PDE10A: variants seen among roughly 807,000 people sequenced by gnomAD.
PDE10A encodes phosphodiesterase 10A.
A neutral mutation model predicts 97.7 loss-of-function variants in PDE10A; 39 were observed. The observed-to-expected ratio is 0.40, with a 90% CI of 0.31 to 0.52. The LOEUF is 0.52. Among genes scored for constraint, PDE10A ranks in the 20% least tolerant of loss-of-function variants. The probability of loss-of-function intolerance (pLI) is 0.56; values close to 1 mark genes in which losing one functional copy is unlikely to be tolerated. For missense variants in PDE10A, 731 were observed against 1,047.8 expected, an observed-to-expected ratio of 0.70 and a Z score of 4.17; for synonymous variants, 371 against 376.8, an observed-to-expected ratio of 0.98 and a Z score of 0.18.
At chr6:165,738,156 TC>T (rs1038402044) in intron 1 of PDE10A, among the ~76,000 whole-genome samples, 2 of 81,926 alleles carry the variant, frequency 2.4e-5, no homozygotes, top group African/African-American at 9.9e-5. Flanking sequence ...GTGCTATCCC[TC>T]CCCCCTCCCC....
chr6:165,395,305 G>C (rs369037950), intron 14 of PDE10A, 41 bp from the exon 15 acceptor site: 412 of 1,299,402 alleles, frequency 3.2e-4, no homozygotes, highest in Non-Finnish European at 4.0e-4. Context: ...AACGTGATTA[G>C]AATAAACACA....
At chr6:165,406,836 T>A (rs1787217119) in intron 13 of PDE10A, among the ~76,000 whole-genome samples, 1 of 152,164 alleles carries the variant, frequency 6.6e-6, no homozygotes, top group Non-Finnish European at 1.5e-5. Flanking sequence ...TGTCTCTCTG[T>A]TCTAAAGCTG....
chr6:165,488,331 G>C (rs1050138157), intron 2 of PDE10A, among the ~76,000 whole-genome samples: 1 of 152,190 alleles, frequency 6.6e-6, no homozygotes, highest in African/African-American at 2.4e-5. Context: ...GCCTTAGCAA[G>C]GATAGTTTAT....
intron 1 of PDE10A, among the ~76,000 whole-genome samples, chr6:165,678,522 C>T (rs2128438853): frequency 6.6e-6 from 1 of 151,930 alleles, no homozygotes; most frequent in South Asian, 2.1e-4. Context: ...TCCTCATAAC[C>T]CCTTCATTGG....
intron 1 of PDE10A, among the ~76,000 whole-genome samples, chr6:165,958,746 AGAGAAAGAAAGAAAGAAAGAAG>A (rs1293368929): frequency 2.1e-4 from 1 of 4,754 alleles, no homozygotes; most frequent in African/African-American, 3.9e-4. Context: ...AAAGAAAGAA[AGAGAAAGAAAGAAAGAAAGAAG>A]AAAGCAAGCC....
At chr6:165,940,043 T>C (rs1242156775) in intron 1 of PDE10A, 2 of 152,244 alleles carry the variant, frequency 1.3e-5, no homozygotes, top group African/African-American at 4.8e-5. Context: ...ATCTGTGTGA[T>C]GGGGGCAATG....
At chr6:165,882,735 TAATAAGC>T in intron 1 of PDE10A, among the ~76,000 whole-genome samples, 1 of 147,748 alleles carries the variant, frequency 6.8e-6, no homozygotes, top group African/African-American at 2.5e-5. Flanking sequence ...TTTAGCTACT[TAATAAGC>T]ACTAGAAAAG....
At chr6:165,863,327 T>TA (rs1780957086) in intron 1 of PDE10A, among the ~76,000 whole-genome samples, 1 of 152,236 alleles carries the variant, frequency 6.6e-6, no homozygotes, top group East Asian at 1.9e-4. Flanking sequence ...ACTCCTCATT[T>TA]ATTATTCTGT....
chr6:165,354,387 T>C (rs540913), intron 18 of PDE10A, among the ~76,000 whole-genome samples: 71,158 of 151,978 alleles, frequency 0.47, 17,551 homozygotes, highest in African/African-American at 0.64. Flanking sequence ...CTAAGGCCAA[T>C]GACATCAGCT....
chr6:165,500,108 C>A (rs913352578), intron 2 of PDE10A, among the ~76,000 whole-genome samples: 4 of 152,120 alleles, frequency 2.6e-5, no homozygotes, highest in Non-Finnish European at 5.9e-5. Context: ...GAATTATATT[C>A]AACATTATTC....
At chr6:165,382,662 A>C (rs1242329462) in intron 17 of PDE10A, among the ~76,000 whole-genome samples, 1 of 152,182 alleles carries the variant, frequency 6.6e-6, no homozygotes, top group Admixed American at 6.5e-5. Flanking sequence ...TAAAATATGT[A>C]CAAAATATTT....
intron 1 of PDE10A, among the ~76,000 whole-genome samples, chr6:165,924,649 G>A (rs1782873438): frequency 6.6e-6 from 1 of 152,174 alleles, no homozygotes. Flanking sequence ...TACTAGTGGT[G>A]GGCCAGCATC....
At chr6:165,462,153 TATGTGG>T (rs1562489477) in intron 3 of PDE10A, among the ~76,000 whole-genome samples, 1 of 152,246 alleles carries the variant, frequency 6.6e-6, no homozygotes, top group African/African-American at 2.4e-5. Context: ...CATTTTTCTC[TATGTGG>T]AATATTAAAC....
intron 2 of PDE10A, among the ~76,000 whole-genome samples, chr6:165,494,056 CG>C (rs888462945): frequency 3.0e-4 from 46 of 151,148 alleles, no homozygotes; most frequent in African/African-American, 1.1e-3. Context: ...GGCCAAAAAA[CG>C]TATGAAAAAA....
intron 1 of PDE10A, among the ~76,000 whole-genome samples, chr6:165,733,740 A>C (rs1023519573): frequency 6.6e-6 from 1 of 152,216 alleles, no homozygotes; most frequent in Non-Finnish European, 1.5e-5. Context: ...TCAAAGACAT[A>C]ATGCCACTTT....
At chr6:165,794,328 C>A (rs1224052209) in intron 1 of PDE10A, among the ~76,000 whole-genome samples, 1 of 151,340 alleles carries the variant, frequency 6.6e-6, no homozygotes, top group Non-Finnish European at 1.5e-5. Flanking sequence ...ACTCATCACA[C>A]ACTCATAAAC....
At chr6:165,375,112 A>G (rs1784534361) in intron 18 of PDE10A, among the ~76,000 whole-genome samples, 1 of 152,196 alleles carries the variant, frequency 6.6e-6, no homozygotes, top group Admixed American at 6.6e-5. Context: ...TATTAAAATT[A>G]GGCCAATTAA....
At chr6:165,687,716 C>T (rs1395641164) in intron 1 of PDE10A, among the ~76,000 whole-genome samples, 1 of 152,212 alleles carries the variant, frequency 6.6e-6, no homozygotes, top group East Asian at 1.9e-4. Context: ...CTGCTACTGG[C>T]TGCACATCCC....
At chr6:165,619,669 G>GTAGTCTAGTC (rs1788021232) in intron 1 of PDE10A, among the ~76,000 whole-genome samples, 2 of 135,240 alleles carry the variant, frequency 1.5e-5, no homozygotes, top group African/African-American at 6.3e-5. Flanking sequence ...ATAGTCTAGT[G>GTAGTCTAGTC]TAGTGTAGTC....
Sources: allele counts gnomAD v4.1 joint callset (sites outside exome capture counted in the v4.1 genomes callset), GRCh38; gene constraint gnomAD v4.1.1; transcripts MANE v1.5; gene names NCBI Gene and HGNC (gene_info 2026-07-23, HGNC 2026-07-21).